Variants in HDDC2 observed in about 807,000 individuals in gnomAD.
The protein encoded by HDDC2 is 5'-deoxynucleotidase HDDC2.
A neutral mutation model predicts 25.5 loss-of-function variants in HDDC2; 25 were observed. That is an observed-to-expected ratio of 0.98 (90% CI 0.72 to 1.37). The LOEUF (loss-of-function observed/expected upper bound fraction) is 1.37. Ranked by LOEUF, HDDC2 falls within the 40% of genes most tolerant of loss-of-function variation. The probability of loss-of-function intolerance (pLI) is 0.00; values close to 1 mark genes in which losing one functional copy is unlikely to be tolerated. For missense variants in HDDC2, 264 were observed against 253.1 expected (o/e 1.04, Z -0.29); for synonymous variants, 106 against 89.7 (o/e 1.18, Z -1.03).
At chr6:125,285,021 G>A (rs1213572673) in intron 4 of HDDC2, among the ~76,000 whole-genome samples, 1 of 152,098 alleles carries the variant, frequency 6.6e-6, no homozygotes, top group East Asian at 1.9e-4. Context: ...GCAGGGACAT[G>A]GATGAAGCTG....
chr6:125,282,354 AAAAAAAG>A (rs1356848114), intron 4 of HDDC2, among the ~76,000 whole-genome samples: 37 of 152,028 alleles, frequency 2.4e-4, no homozygotes, highest in Middle Eastern at 3.4e-3. Context: ...TCTCAAAAAA[AAAAAAAG>A]AAAAAAGAAA....
At chr6:125,288,412 C>T (rs368166834) in intron 4 of HDDC2, among the ~76,000 whole-genome samples, 6 of 152,216 alleles carry the variant, frequency 3.9e-5, no homozygotes, top group African/African-American at 1.4e-4. Context: ...ATCAGTGTTT[C>T]GCAGCCTTCT....
intron 5 of HDDC2, chr6:125,276,500 G>A: frequency 2.2e-6 from 1 of 456,428 alleles, no homozygotes; most frequent in Non-Finnish European, 3.9e-6. Context: ...GCAGAGGTAG[G>A]GGAAACTTCA....
intron 4 of HDDC2, among the ~76,000 whole-genome samples, chr6:125,290,982 T>C (rs1269527060): frequency 1.3e-5 from 2 of 152,228 alleles, no homozygotes; most frequent in Non-Finnish European, 2.9e-5. Flanking sequence ...AATAATTTAA[T>C]AGATAACTGC....
At chr6:125,295,971 A>T (rs1798700826) in intron 3 of HDDC2, among the ~76,000 whole-genome samples, 1 of 152,098 alleles carries the variant, frequency 6.6e-6, no homozygotes, top group Non-Finnish European at 1.5e-5. Context: ...CTCCTTTCTA[A>T]ATTTGTTTCT....
rs1040149949 is a variant in HDDC2 at position 125,301,842 on chromosome 6, C to G, written c.84+7G>C. 2.7e-5 allele frequency: 42 copies of G among 1,540,360 alleles called. No individual in the cohort carries two copies. In the African/African-American group the frequency reaches 5.1e-4, roughly 19 times the overall value. On this transcript the variant is annotated splice_region_variant and intron_variant, in intron 1 of 5. Coordinates refer to ENST00000398153, the MANE Select transcript of HDDC2 (RefSeq NM_016063.3). ...GGCCGCGGCCTCCCGGCCTGGTGCC[C>G]GCTCACCTTGAGCTGCCCTACCAGC... is the stretch of plus-strand genomic sequence containing the variant.
At chr6:125,300,455 T>C (rs1484245605) in intron 2 of HDDC2, 83 bp downstream of exon 2, 2 of 1,487,068 alleles carry the variant, frequency 1.3e-6, no homozygotes, top group Non-Finnish European at 1.8e-6. Flanking sequence ...CTACAAGGAT[T>C]TGACATGGGT....
At chr6:125,293,012 C>G (rs897096500) in intron 3 of HDDC2, 103 bp from the exon 4 acceptor site, 1 of 895,382 alleles carries the variant, frequency 1.1e-6, no homozygotes, top group Admixed American at 1.7e-5. Flanking sequence ...ACAACTCTCA[C>G]AGGGGCAGCA....
Position 125,276,057 on chromosome 6 carries a change from G to C in HDDC2, c.*89C>G, listed in dbSNP as rs916771155. The C allele has an allele frequency of 1.2e-5, 11 of 949,126 alleles. No individual in the cohort carries two copies. Among genetic ancestry groups the C allele is most frequent in the African/African-American group, 4.8e-5 (3 of 61,908 alleles). 58.8% of individuals were successfully genotyped at this position (949,126 alleles called of 1,614,324 possible). ...GAAAACAAACAGACTCACATCTAGG[G>C]AAATCAACAGACCAACAATGGCAAA... On this transcript the variant is annotated 3_prime_UTR_variant, in exon 6 of 6. Transcript: ENST00000398153.
intron 4 of HDDC2, chr6:125,278,813 G>A (rs950203879): frequency 1.2e-4 from 18 of 152,156 alleles, no homozygotes; most frequent in African/African-American, 4.1e-4. Context: ...ATGGAAAGAA[G>A]TGGTAGGATT....
At chr6:125,301,295 A>G (rs1431962287) in intron 1 of HDDC2, among the ~76,000 whole-genome samples, 1 of 152,172 alleles carries the variant, frequency 6.6e-6, no homozygotes. Flanking sequence ...ACTCGTGTGT[A>G]TTACATTAAA....
chr6:125,290,157 G>T (rs1798609147), intron 4 of HDDC2, among the ~76,000 whole-genome samples: 1 of 152,180 alleles, frequency 6.6e-6, no homozygotes, highest in Non-Finnish European at 1.5e-5. Flanking sequence ...AGTGAGTACA[G>T]AATGACCCTA....
At chr6:125,281,694 T>C (rs1435657676) in intron 4 of HDDC2, among the ~76,000 whole-genome samples, 2 of 152,044 alleles carry the variant, frequency 1.3e-5, no homozygotes, top group Non-Finnish European at 2.9e-5. Context: ...CCAAGAAATA[T>C]GGGACTATGT....
intron 4 of HDDC2, among the ~76,000 whole-genome samples, chr6:125,289,503 AAC>A (rs1360854009): frequency 8.5e-5 from 11 of 129,248 alleles, no homozygotes; most frequent in African/African-American, 3.0e-4. Context: ...AATTAAAAAA[AAC>A]AAAACAAAAC....
At chr6:125,289,501 AAAACAAAACAAAAC>A (rs1798597621) in intron 4 of HDDC2, among the ~76,000 whole-genome samples, 1 of 129,246 alleles carries the variant, frequency 7.7e-6, no homozygotes, top group Non-Finnish European at 1.5e-5. Context: ...AAAATTAAAA[AAAACAAAACAAAAC>A]AAAAAAAACA....
intron 4 of HDDC2, among the ~76,000 whole-genome samples, chr6:125,280,407 A>G (rs913042910): frequency 9.9e-5 from 15 of 152,130 alleles, no homozygotes; most frequent in Non-Finnish European, 2.2e-4. Flanking sequence ...CTCCCCTAGA[A>G]AGGGGGCTGA....
At position 125,275,965 on chromosome 6, in the gene HDDC2, C is replaced by T; in HGVS notation, c.*181G>A. 2 of 598,212 alleles carry T rather than the reference C, an allele frequency of 3.3e-6. No individual in the cohort carries two copies. The highest frequency in any genetic ancestry group is 5.9e-6 in the Non-Finnish European group (2 of 336,624). 37.1% of individuals were successfully genotyped at this position (598,212 alleles called of 1,614,324 possible). ...TTCATCCATGGCACTTTCATGACCG[C>T]TTCCTGTTCTGTGGCTTCTTTTAGT... On this transcript the variant is annotated 3_prime_UTR_variant, in exon 6 of 6. Coordinates refer to ENST00000398153, the MANE Select transcript of HDDC2 (RefSeq NM_016063.3).
At chr6:125,294,259 G>A (rs924454166) in intron 3 of HDDC2, among the ~76,000 whole-genome samples, 7 of 152,100 alleles carry the variant, frequency 4.6e-5, no homozygotes, top group Non-Finnish European at 1.0e-4. Context: ...AATAAAATTG[G>A]ACATTTGTGT....
chr6:125,295,511 G>A (rs946975236), intron 3 of HDDC2, among the ~76,000 whole-genome samples: 10 of 152,042 alleles, frequency 6.6e-5, no homozygotes, highest in Admixed American at 5.9e-4. Context: ...TACACAGTGG[G>A]GTTAAATATT....
Sources: gnomAD v4.1 joint callset for allele counts (sites outside exome capture counted in the v4.1 genomes callset) on GRCh38, gnomAD v4.1.1 for gene constraint, MANE v1.5 for transcripts, NCBI Gene and HGNC (gene_info 2026-07-23, HGNC 2026-07-21) for gene names.